The following SNED1 variants were observed in gnomAD, a reference collection of about 807,000 sequenced individuals.
SNED1 encodes the protein sushi, nidogen and EGF like domains 1, also known as sushi, nidogen and EGF-like domain-containing protein 1.
SNED1 carries 81 observed loss-of-function variants against 166.7 expected under a neutral mutation model. The observed-to-expected ratio is 0.49, with a 90% CI of 0.41 to 0.58. The LOEUF (loss-of-function observed/expected upper bound fraction) is 0.58. SNED1 is among the 20% of genes least tolerant of loss of function. The pLI is 0.00. For synonymous variants in SNED1, 762 were observed against 822.0 expected, an observed-to-expected ratio of 0.93 and a Z score of 1.25; for missense variants, 1,604 against 2,000.2, an observed-to-expected ratio of 0.80 and a Z score of 3.78.
rs778911371 is a variant in SNED1 at position 241,067,804 on chromosome 2, G to C, written c.3051G>C (p.Thr1017=). ...AAGGCTTCGAGGTCACCAATGTGAC[G>C]GCTAGCACCATCTCAGTGCAGTGGG... The part of the protein sequence containing the change: ...PVEGFEVTNV[T]ASTISVQWAL... The change falls in exon 22 of 32, where the codon ACG becomes ACC. Residue 1017 remains threonine, a synonymous_variant. Transcript: ENST00000310397. The C allele has an allele frequency of 6.2e-7, 1 of 1,613,016 alleles. No homozygotes were observed. The highest frequency in any genetic ancestry group is 8.5e-7 in the Non-Finnish European group (1 of 1,179,484).
At position 241,091,549 on chromosome 2, in the gene SNED1, C is replaced by A. The variant is rs2125357495; in HGVS notation, c.*2-89C>A. 1 of 138,802 alleles carries A rather than the reference C, an allele frequency of 7.2e-6. No individual in the cohort carries two copies. The highest frequency in any genetic ancestry group is 1.5e-5 in the Non-Finnish European group (1 of 66,600). The allele number at this position is 138,802 out of a possible 1,614,324, so 8.6% of individuals were successfully genotyped here. A position where few individuals can be genotyped will look rare whatever the true frequency, so the allele number is the denominator to read the frequency against. On this transcript the variant is annotated intron_variant, in intron 31 of 31. Coordinates refer to ENST00000310397, the MANE Select transcript of SNED1 (RefSeq NM_001080437.3). This position sits in a 1 kb window ranked among gnomAD's most constrained non-coding sequence, Gnocchi z 4.1. ...CTCTGGGTGACAGAGGCCCTGAGGG[C>A]CACTAAGAGAAGCAGGAAGCAGCCC... is the stretch of plus-strand genomic sequence containing the variant.
chr2:241,028,167 C>G (rs778352109), intron 1 of SNED1, among the ~76,000 whole-genome samples: 1 of 152,132 alleles, frequency 6.6e-6, no homozygotes, highest in Admixed American at 6.5e-5. Context: ...GGAGCTCTCT[C>G]TATATTCAGG....
At chr2:241,023,858 T>C (rs1363845839) in intron 1 of SNED1, among the ~76,000 whole-genome samples, 1 of 151,306 alleles carries the variant, frequency 6.6e-6, no homozygotes, top group East Asian at 1.9e-4. Context: ...AACATTTAAT[T>C]TATTTTCTCT....
intron 27 of SNED1, among the ~76,000 whole-genome samples, chr2:241,078,235 T>G (rs2063131761): frequency 2.0e-5 from 3 of 151,420 alleles, no homozygotes; most frequent in Non-Finnish European, 4.4e-5. Flanking sequence ...ATACAAAAAT[T>G]AGCTGGGCGT....
In SNED1 at chr2:241,033,589, C is replaced by T. The variant is rs764180444; in HGVS notation, c.502-146C>T. The stretch of plus-strand genomic sequence containing the variant: ...GGATGAGGCCACCAAGGTCCTGCCT[C>T]GGCTGCCCGTCCAGCTGGAAGACAC... On this transcript the variant is annotated intron_variant, in intron 2 of 31. Transcript: ENST00000310397. 51 of 918,224 alleles carry T rather than the reference C, an allele frequency of 5.6e-5. 1 individual carries two copies. The highest frequency in any genetic ancestry group is 5.6e-4 in the Middle Eastern group (2 of 3,568). The allele number at this position is 918,224 out of a possible 1,614,324, so 56.9% of individuals were successfully genotyped here.
At position 241,094,393 on chromosome 2, in the gene SNED1, A is replaced by G. The variant is rs557908059; in HGVS notation, c.*2757A>G. 1.7e-5 allele frequency: 8 copies of G among 471,240 alleles called. No homozygotes were observed. In the East Asian group the frequency reaches 3.5e-4, roughly 20 times the overall value. 29.2% of individuals were successfully genotyped at this position (471,240 alleles called of 1,614,324 possible). A position where few individuals can be genotyped will look rare whatever the true frequency, so the allele number is the denominator to read the frequency against. ...CGAGCTGCTTTTCTTTTGCAAAACA[A>G]AAGTCTTTTTCTTTGCAGTCACGCT... On this transcript the variant is annotated 3_prime_UTR_variant, in exon 32 of 32. Transcript: ENST00000310397. The surrounding 1 kb of genome is among the most constrained non-coding windows in gnomAD (Gnocchi z 4.3).
chr2:241,040,111 G>A lies in SNED1; in HGVS notation c.1082G>A (p.Gly361Asp). Reference protein sequence around the residue: ...SPCDTKECQHGGQCQVENGSA... With the variant: ...SPCDTKECQHDGQCQVENGSA... ...TGTGACACCAAAGAGTGTCAACATG[G>A]TGGCCAGTGCCAGGTGGAGAATGGC... is the stretch of plus-strand genomic sequence containing the variant. The change falls in exon 7 of 32, where the codon GGT (glycine) becomes GAT (aspartate). Residue 361 changes from glycine (G) to aspartate (D), a missense_variant. Around this residue, in one of 2 missense-constraint regions of SNED1, gnomAD observed 1,237 missense variants for 1,620.8 expected, o/e 0.76. Coordinates refer to ENST00000310397, the MANE Select transcript of SNED1 (RefSeq NM_001080437.3). 3 of 1,599,500 alleles carry A rather than the reference G, an allele frequency of 1.9e-6. No homozygotes were observed. Among genetic ancestry groups the A allele is most frequent in the South Asian group, 2.3e-5 (2 of 88,142 alleles).
intron 16 of SNED1, among the ~76,000 whole-genome samples, chr2:241,053,904 T>A (rs1241259163): frequency 6.6e-6 from 1 of 151,892 alleles, no homozygotes; most frequent in Non-Finnish European, 1.5e-5. Flanking sequence ...GCCAGAGGAG[T>A]CCAAACTGTC....
intron 27 of SNED1, among the ~76,000 whole-genome samples, chr2:241,077,020 A>G (rs925633799): frequency 1.3e-5 from 2 of 151,584 alleles, no homozygotes; most frequent in Non-Finnish European, 2.9e-5. Context: ...TGGAGCTTGC[A>G]GTGAGCTGAG....
chr2:240,997,759 A>G (rs1368709068), upstream of SNED1, among the ~76,000 whole-genome samples: 3 of 152,164 alleles, frequency 2.0e-5, no homozygotes, highest in East Asian at 5.8e-4. Flanking sequence ...ACCCAACACC[A>G]GGATCTAAGA....
chr2:241,036,229 G>A (rs1432165102), intron 4 of SNED1, among the ~76,000 whole-genome samples: 1 of 152,012 alleles, frequency 6.6e-6, no homozygotes, highest in African/African-American at 2.4e-5. Context: ...AAGGAGGCCC[G>A]AGGAGCCCGA....
intron 1 of SNED1, among the ~76,000 whole-genome samples, chr2:241,004,514 C>T (rs1219874248): frequency 6.8e-6 from 1 of 147,098 alleles, no homozygotes; most frequent in East Asian, 1.9e-4. Flanking sequence ...TGGCTTATTA[C>T]CTACACCTCT....
intron 31 of SNED1, chr2:241,090,581 C>T: frequency 2.0e-6 from 2 of 1,000,010 alleles, no homozygotes; most frequent in South Asian, 3.2e-5. Context: ...GGTTTGTATA[C>T]ACCAGCATCA....
intron 1 of SNED1, among the ~76,000 whole-genome samples, chr2:241,027,459 G>C (rs1447514205): frequency 6.6e-6 from 1 of 152,178 alleles, no homozygotes; most frequent in African/African-American, 2.4e-5. Context: ...TTCATCCTCA[G>C]TGGACACTCA....
chr2:241,081,234 G>C (rs890488806), intron 27 of SNED1, among the ~76,000 whole-genome samples: 1 of 152,148 alleles, frequency 6.6e-6, no homozygotes, highest in African/African-American at 2.4e-5. Flanking sequence ...GTGGGATCAA[G>C]TGAGCAGTAA....
chr2:241,072,447 G>A (rs4502400), intron 26 of SNED1: 35,603 of 356,420 alleles, frequency 0.1, 2,095 homozygotes, highest in East Asian at 0.19. Flanking sequence ...TGAGGCAGGC[G>A]CGACCCTGCC....
intron 8 of SNED1, chr2:241,041,100 T>C: frequency 3.0e-6 from 1 of 338,658 alleles, no homozygotes; most frequent in South Asian, 2.3e-5. Flanking sequence ...AAATTCTGTT[T>C]TACCCGTAAG....
intron 1 of SNED1, among the ~76,000 whole-genome samples, chr2:241,019,953 C>T (rs1290077366): frequency 1.3e-5 from 2 of 152,170 alleles, no homozygotes; most frequent in African/African-American, 2.4e-5. Flanking sequence ...ACAGTAAGTA[C>T]GTGAGTGTGC....
intron 1 of SNED1, among the ~76,000 whole-genome samples, chr2:241,012,787 A>G (rs2060451913): frequency 6.6e-6 from 1 of 151,618 alleles, no homozygotes; most frequent in African/African-American, 2.4e-5. Context: ...TCTCTTAGCA[A>G]ATTTCAATTA....
Sources: allele counts gnomAD v4.1 joint callset (sites outside exome capture counted in the v4.1 genomes callset), GRCh38; gene constraint gnomAD v4.1.1; regional missense constraint gnomAD v4.1.1; non-coding constraint Gnocchi (gnomAD v3.1); transcripts MANE v1.5; gene names NCBI Gene and HGNC (gene_info 2026-07-23, HGNC 2026-07-21).